Variants in SAP30BP observed in about 807,000 individuals in gnomAD.
SAP30BP encodes SAP30 binding protein, also known as SAP30-binding protein.
A neutral mutation model predicts 46.3 loss-of-function variants in SAP30BP; 31 were observed. The ratio of observed to expected loss-of-function variants is 0.67; its 90% confidence interval spans 0.50 to 0.90. The LOEUF (loss-of-function observed/expected upper bound fraction) is 0.90. Ranked by LOEUF, SAP30BP falls within the 40% of genes least tolerant of loss-of-function variation. The pLI, the probability that SAP30BP is intolerant of heterozygous loss-of-function variation, is 0.00. For synonymous variants in SAP30BP, 169 were observed against 144.2 expected, an observed-to-expected ratio of 1.17 and a Z score of -1.23; for missense variants, 312 against 391.0, an observed-to-expected ratio of 0.80 and a Z score of 1.70.
chr17:75,671,054 G>A (rs753659399), intron 2 of SAP30BP, among the ~76,000 whole-genome samples: 1 of 152,180 alleles, frequency 6.6e-6, no homozygotes, highest in Non-Finnish European at 1.5e-5. Context: ...GCGTTCAGTG[G>A]AATGGCGGGC....
chr17:75,680,894 C>T (rs1281767017), intron 3 of SAP30BP, among the ~76,000 whole-genome samples: 1 of 152,076 alleles, frequency 6.6e-6, no homozygotes, highest in African/African-American at 2.4e-5. Context: ...GTTAGCCAGG[C>T]ATGGTAGTGT....
chr17:75,706,617 A>G lies in SAP30BP; in HGVS notation c.*96A>G, dbSNP rs369889672. On this transcript the variant is annotated 3_prime_UTR_variant, in exon 11 of 11. Coordinates refer to ENST00000584667, the MANE Select transcript of SAP30BP (RefSeq NM_013260.8). This position sits in a 1 kb window ranked among gnomAD's most constrained non-coding sequence, Gnocchi z 4.6. The stretch of plus-strand genomic sequence containing the variant: ...TTTGTATATTTCAGGACTGGGACCT[A>G]CTCCCCAGATGCCACCTGAGAGGAG... 7.7e-6 allele frequency: 9 copies of G among 1,174,610 alleles called. No homozygotes were observed. The highest frequency in any genetic ancestry group is 2.4e-5 in the East Asian group (1 of 42,204). 72.8% of individuals were successfully genotyped at this position (1,174,610 alleles called of 1,614,324 possible).
intron 2 of SAP30BP, among the ~76,000 whole-genome samples, chr17:75,670,052 G>C (rs958013505): frequency 1.6e-4 from 25 of 152,032 alleles, no homozygotes; most frequent in Non-Finnish European, 1.9e-4. Flanking sequence ...AGCCAAGCAC[G>C]GTGGCTCATG....
At chr17:75,691,231 C>A (rs983935089) in intron 3 of SAP30BP, among the ~76,000 whole-genome samples, 1 of 151,922 alleles carries the variant, frequency 6.6e-6, no homozygotes, top group African/African-American at 2.4e-5. Flanking sequence ...AAAGCAAAGA[C>A]CAGACTAGTT....
chr17:75,680,258 G>A lies in SAP30BP; in HGVS notation c.264+8395G>A, dbSNP rs552775444. On this transcript the variant is annotated intron_variant, in intron 3 of 10. Coordinates refer to ENST00000584667, the MANE Select transcript of SAP30BP (RefSeq NM_013260.8). ...AAAATTCCGTCTTCTGGGTCAAGGA[G>A]GTGGCATCAGGTGGGGGTTGGGGGG... Among the ~76,000 whole-genome samples the A allele has an allele frequency of 9.8e-5, 15 of 152,324 alleles. No individual in the cohort carries two copies. In the East Asian group the frequency reaches 2.9e-3, roughly 29 times the overall value.
chr17:75,669,513 G>T (rs1428706803), intron 2 of SAP30BP, among the ~76,000 whole-genome samples: 2 of 152,228 alleles, frequency 1.3e-5, no homozygotes, highest in East Asian at 3.9e-4. Flanking sequence ...AAAGTGCTGG[G>T]ATTACAGGCG....
Position 75,699,849 on chromosome 17 carries a change from G to A in SAP30BP, c.374G>A (p.Gly125Asp). 1.2e-6 allele frequency: 2 copies of A among 1,612,986 alleles called. No homozygotes were observed. The highest frequency in any genetic ancestry group is 1.1e-5 in the South Asian group (1 of 91,000). The change falls in exon 5 of 11, where the codon GGC becomes GAC. Residue 125 changes from glycine (G) to aspartate (D), a missense_variant. By Grantham distance (94) the Gly-to-Asp change is moderately conservative. Transcript: ENST00000584667. ...DEIKIPPEPP[G>D]RCSNHLQDKI... Reference sequence around the variant, plus strand: ...ATCAAGATCCCGCCAGAACCCCCTGGCAGATGTTCAAATCACTTGCAAGTA... The same window carrying A: ...ATCAAGATCCCGCCAGAACCCCCTGACAGATGTTCAAATCACTTGCAAGTA...
At chr17:75,685,470 C>G (rs2060142396) in intron 3 of SAP30BP, among the ~76,000 whole-genome samples, 1 of 152,162 alleles carries the variant, frequency 6.6e-6, no homozygotes, top group Admixed American at 6.5e-5. Flanking sequence ...AACTCAGTCC[C>G]CTTCCTACCG....
At chr17:75,703,699 G>T in intron 7 of SAP30BP, 109 bp from the exon 8 acceptor site, 1 of 971,180 alleles carries the variant, frequency 1.0e-6, no homozygotes, top group Non-Finnish European at 1.7e-6. Flanking sequence ...TGACAGCCGA[G>T]CCCCGGGTAA....
At chr17:75,670,882 A>G (rs1236344404) in intron 2 of SAP30BP, among the ~76,000 whole-genome samples, 3 of 152,230 alleles carry the variant, frequency 2.0e-5, no homozygotes, top group Non-Finnish European at 2.9e-5. Context: ...TTTGTTGAAA[A>G]TAGTAGTTTC....
At chr17:75,671,415 C>T (rs1301778794) in intron 2 of SAP30BP, among the ~76,000 whole-genome samples, 1 of 152,218 alleles carries the variant, frequency 6.6e-6, no homozygotes, top group Admixed American at 6.5e-5. Context: ...AAAGAAGGCT[C>T]ATAATCCTGA....
chr17:75,683,668 T>C (rs1382127613), intron 3 of SAP30BP: 1 of 152,236 alleles, frequency 6.6e-6, no homozygotes, highest in East Asian at 1.9e-4. Context: ...TTCTTTAAGC[T>C]CGTGTTCTTA....
chr17:75,675,301 C>A (rs2059974033), intron 3 of SAP30BP, among the ~76,000 whole-genome samples: 1 of 152,138 alleles, frequency 6.6e-6, no homozygotes, highest in Non-Finnish European at 1.5e-5. Context: ...CAGGCACATG[C>A]CATGTCGCCC....
intron 3 of SAP30BP, among the ~76,000 whole-genome samples, chr17:75,687,878 G>T (rs370050425): frequency 2.6e-5 from 4 of 151,674 alleles, no homozygotes; most frequent in African/African-American, 7.3e-5. Context: ...GGTAGGTGTG[G>T]AACCTAAACT....
chr17:75,694,583 C>T (rs1378865028), intron 4 of SAP30BP, among the ~76,000 whole-genome samples: 1 of 151,962 alleles, frequency 6.6e-6, no homozygotes, highest in Non-Finnish European at 1.5e-5. Flanking sequence ...GCTTTGAGGG[C>T]AGAGGAAGCA....
chr17:75,678,138 T>C (rs1002347633), intron 3 of SAP30BP, among the ~76,000 whole-genome samples: 5 of 152,068 alleles, frequency 3.3e-5, no homozygotes, highest in African/African-American at 1.2e-4. Context: ...GGGGAAGTCC[T>C]TTAACCTCAG....
intron 5 of SAP30BP, among the ~76,000 whole-genome samples, chr17:75,700,421 G>A (rs2060390513): frequency 6.6e-6 from 1 of 152,162 alleles, no homozygotes; most frequent in Non-Finnish European, 1.5e-5. Flanking sequence ...GACAGCTAGG[G>A]TTCAGCCCGT....
At chr17:75,702,850 A>T in intron 6 of SAP30BP, 1 of 326,326 alleles carries the variant, frequency 3.1e-6, no homozygotes, top group Non-Finnish European at 5.7e-6. Flanking sequence ...CCTAAAGCAC[A>T]TGACCTCTCA....
In SAP30BP at chr17:75,703,383, A is replaced by G. The variant is rs774690579; in HGVS notation, c.549+12A>G. 5.0e-6 allele frequency: 8 copies of G among 1,612,970 alleles called. No individual in the cohort carries two copies. The highest frequency in any genetic ancestry group is 4.0e-5 in the African/African-American group (3 of 74,930). On this transcript the variant is annotated intron_variant, in intron 7 of 10. Coordinates refer to ENST00000584667, the MANE Select transcript of SAP30BP (RefSeq NM_013260.8). ...CCAACTACCCAAAGGTGCGTCTGGC[A>G]CACGGGGCTGGAGGGTGATGGGGAC...
Sources: allele counts gnomAD v4.1 joint callset (sites outside exome capture counted in the v4.1 genomes callset), GRCh38; gene constraint gnomAD v4.1.1; non-coding constraint Gnocchi (gnomAD v3.1); transcripts MANE v1.5; gene names NCBI Gene and HGNC (gene_info 2026-07-23, HGNC 2026-07-21).